Variants in GPI observed in about 807,000 individuals in gnomAD.
The protein encoded by GPI is D-hexose-6-phosphate anomerase.
A neutral mutation model predicts 75.8 loss-of-function variants in GPI; 56 were observed. The ratio of observed to expected loss-of-function variants is 0.74; its 90% CI spans 0.60 to 0.92. The LOEUF (loss-of-function observed/expected upper bound fraction) is 0.92, where lower values mean the gene tolerates loss of function less well. Among genes scored for constraint, GPI ranks in the 40% least tolerant of loss-of-function variants. The pLI is 0.00. For synonymous variants in GPI, 288 were observed against 285.4 expected (o/e 1.01, Z -0.09); for missense variants, 638 against 741.0 (o/e 0.86, Z 1.61).
At chr19:34,377,301 CAAAAAAAAAAAA>C (rs1169701523) in intron 4 of GPI, among the ~76,000 whole-genome samples, 190 bp from the exon 5 acceptor site, 22 of 15,458 alleles carry the variant, frequency 1.4e-3, no homozygotes, top group Non-Finnish European at 2.2e-3. Context: ...GGCTTCATCT[CAAAAAAAAAAAA>C]AAAAAAAAAA....
Position 34,368,569 on chromosome 19 carries a change from A to T in GPI, c.283-14A>T. 1 of 1,614,078 alleles carries T rather than the reference A, an allele frequency of 6.2e-7. No homozygotes were observed. Among genetic ancestry groups the T allele is most frequent in the Non-Finnish European group, 8.5e-7 (1 of 1,179,982 alleles). On this transcript the variant is annotated splice_polypyrimidine_tract_variant and intron_variant, in intron 3 of 17. Transcript: ENST00000356487. ...TGGGGGGGGCAGTCTTTATATCCTGACCGTAATCCCCAGGGTCGAGCCGTG... is the reference window on the plus strand; with the variant it reads ...TGGGGGGGGCAGTCTTTATATCCTGTCCGTAATCCCCAGGGTCGAGCCGTG...
At position 34,381,208 on chromosome 19, in the gene GPI, C is replaced by A. The variant is rs978520318; in HGVS notation, c.751-258C>A. ...GCCAGGTCCTCACACGGGGTTACAGCTGCCCTCAGCAGGGGGCTTTGCAGG... is the reference window on the plus strand; with the variant it reads ...GCCAGGTCCTCACACGGGGTTACAGATGCCCTCAGCAGGGGGCTTTGCAGG... On this transcript the variant is annotated intron_variant, in intron 8 of 17. Coordinates refer to ENST00000356487, the MANE Select transcript of GPI (RefSeq NM_000175.5). 8.9e-6 allele frequency: 5 copies of A among 563,108 alleles called. No homozygotes were observed. In the Admixed American group the frequency reaches 1.5e-4, roughly 16 times the overall value. The allele number at this position is 563,108 out of a possible 1,614,324, so 34.9% of individuals were successfully genotyped here. A position where few individuals can be genotyped will look rare whatever the true frequency, so the allele number is the denominator to read the frequency against.
chr19:34,366,658 G>T (rs2074369783), intron 2 of GPI, 125 bp from the exon 3 acceptor site: 2 of 791,154 alleles, frequency 2.5e-6, no homozygotes, highest in Non-Finnish European at 4.5e-6. Flanking sequence ...AGACAGCAGG[G>T]GAGGGAACCA....
chr19:34,371,361 G>A (rs1299524396), intron 4 of GPI, among the ~76,000 whole-genome samples: 1 of 152,128 alleles, frequency 6.6e-6, no homozygotes, highest in Non-Finnish European at 1.5e-5. Flanking sequence ...CATTTGTCAG[G>A]GGACTTACAA....
At chr19:34,381,406 T>C in intron 8 of GPI, 60 bp from the exon 9 acceptor site, 1 of 1,146,108 alleles carries the variant, frequency 8.7e-7, no homozygotes, top group Non-Finnish European at 1.3e-6. Context: ...GGAGCTCCTG[T>C]TCCCATCCCG....
chr19:34,397,999 A>T (rs1291298385), intron 14 of GPI: 1 of 151,384 alleles, frequency 6.6e-6, no homozygotes, highest in Non-Finnish European at 1.5e-5. Context: ...CAATCCTTTT[A>T]TCTCAGCCTC....
chr19:34,395,355 G>T (rs1294538955), intron 12 of GPI, among the ~76,000 whole-genome samples: 1 of 151,370 alleles, frequency 6.6e-6, no homozygotes, highest in African/African-American at 2.4e-5. Flanking sequence ...ACGTAGTGAG[G>T]CCCGGTCTCT....
At chr19:34,398,433 T>C (rs2074974619) in intron 14 of GPI, 1 of 152,168 alleles carries the variant, frequency 6.6e-6, no homozygotes, top group South Asian at 2.1e-4. Flanking sequence ...AACCCAAGGC[T>C]CTACTAGAAC....
chr19:34,367,306 T>A (rs1386378496), intron 3 of GPI: 2 of 317,394 alleles, frequency 6.3e-6, no homozygotes, highest in East Asian at 7.8e-5. Flanking sequence ...GGAGGTATAA[T>A]GGACACTGAG....
At chr19:34,391,495 T>C (rs1245364921) in intron 9 of GPI, among the ~76,000 whole-genome samples, 1 of 804 alleles carries the variant, frequency 1.2e-3, no homozygotes, top group Non-Finnish European at 3.5e-3. Context: ...ACTTAGGAGG[T>C]ACGATCTCTT....
chr19:34,399,999 A>G lies in GPI; in HGVS notation c.1640A>G (p.Asn547Ser), dbSNP rs370893425. ...SHDASTNGLINFIKQQREARV... is the reference protein window; with the variant it reads ...SHDASTNGLISFIKQQREARV... The stretch of plus-strand genomic sequence containing the variant: ...GACGCTTCTACCAATGGGCTCATCA[A>G]CTTCATCAAGCAGCAGCGCGAGGCC... Residue 547 changes from asparagine (N) to serine (S), a missense_variant, in exon 18 of 18, where the codon AAC (asparagine) becomes AGC (serine). Physicochemically the swap from Asn to Ser is conservative, Grantham distance 46 (BLOSUM62 1). Transcript: ENST00000356487. 2 of 1,613,678 alleles carry G rather than the reference A, an allele frequency of 1.2e-6. No individual in the cohort carries two copies. The highest frequency in any genetic ancestry group is 8.5e-7 in the Non-Finnish European group (1 of 1,180,000).
chr19:34,394,281 A>G lies in GPI; in HGVS notation c.1062+215A>G, dbSNP rs531725155. Among the ~76,000 whole-genome samples the G allele has an allele frequency of 6.0e-4, 91 of 152,252 alleles. 3 individuals are homozygous for G. In the South Asian group the frequency reaches 0.018, roughly 30 times the overall value. ...TGAGTTTGATCACCATGGGAGGGGC[A>G]TGACTGGTGATCATGGTGCCCTGGC... On this transcript the variant is annotated intron_variant, in intron 12 of 17. Coordinates refer to ENST00000356487, the MANE Select transcript of GPI (RefSeq NM_000175.5).
At chr19:34,362,064 G>A (rs911853689), upstream of GPI, among the ~76,000 whole-genome samples, 1 of 147,784 alleles carries the variant, frequency 6.8e-6, no homozygotes, top group African/African-American at 2.5e-5. Flanking sequence ...GCAGTGAGCC[G>A]AGATGGTGCC....
At chr19:34,363,484 G>T, upstream of GPI, 1 of 152,312 alleles carries the variant, frequency 6.6e-6, no homozygotes, top group Non-Finnish European at 1.5e-5. Flanking sequence ...CTTCTGTGTA[G>T]ATGAGTAACT....
rs764448093 is a variant in GPI, at chr19:34,399,550, C to T, written c.1399-6C>T. ...TCTTGGAGACATTCCTTGGTGTTTT[C>T]TGCAGGTCTTTGAAGGAAATCGCCC... On this transcript the variant is annotated splice_region_variant and splice_polypyrimidine_tract_variant and intron_variant, in intron 15 of 17. Coordinates refer to ENST00000356487, the MANE Select transcript of GPI (RefSeq NM_000175.5). The T allele has an allele frequency of 3.1e-6, 5 of 1,613,874 alleles. No individual in the cohort carries two copies. The highest frequency in any genetic ancestry group is 4.2e-6 in the Non-Finnish European group (5 of 1,179,756).
In GPI at chr19:34,393,728, GT is replaced by G; in HGVS notation, c.870del (p.Phe290LeufsTer112). 6.2e-7 allele frequency: 1 copy of G among 1,613,484 alleles called. No individual in the cohort carries two copies. Among genetic ancestry groups the G allele is most frequent in the African/African-American group, 1.3e-5 (1 of 75,006 alleles). On this transcript the variant is annotated frameshift_variant and splice_region_variant, in exon 11 of 18. Transcript: ENST00000356487. LOFTEE classifies it high-confidence loss of function. This position sits in a 1 kb window ranked among gnomAD's most constrained non-coding sequence, Gnocchi z 4.4. ...TGTTGACTCTGCTTTTGTGTCACAG[GT>G]TTTGACAACTTCGAGCAGCTGCTCT... Reference protein sequence around the residue: ...AIGLSIALHVGFDNFEQLLSG... With the variant: ...AIGLSIALHVXFDNFEQLLSG...
Position 34,365,597 on chromosome 19 carries a change from C to T in GPI, c.122+209C>T, listed in dbSNP as rs990220944. The T allele has an allele frequency of 8.4e-6, 7 of 834,756 alleles. No individual in the cohort carries two copies. The African/African-American group carries it at 1.2e-4, about 14-fold the overall frequency. 51.7% of individuals were successfully genotyped at this position (834,756 alleles called of 1,614,324 possible). A position where few individuals can be genotyped will look rare whatever the true frequency, so the allele number is the denominator to read the frequency against. On this transcript the variant is annotated intron_variant, in intron 1 of 17. Coordinates refer to ENST00000356487, the MANE Select transcript of GPI (RefSeq NM_000175.5). The stretch of plus-strand genomic sequence containing the variant: ...GGGCTTGCAGCCTCGCCGGGAGTCT[C>T]GGCCCCGGGTCTGCTTCGTTACGAG...
At chr19:34,385,799 A>G (rs2074726564) in intron 9 of GPI, among the ~76,000 whole-genome samples, 1 of 152,192 alleles carries the variant, frequency 6.6e-6, no homozygotes, top group Admixed American at 6.5e-5. Flanking sequence ...CCCAGGAGCC[A>G]GCATTGAGCA....
At chr19:34,391,107 AG>A (rs1384878850) in intron 9 of GPI, among the ~76,000 whole-genome samples, 2 of 150,566 alleles carry the variant, frequency 1.3e-5, no homozygotes, top group African/African-American at 4.9e-5. Flanking sequence ...GTTTGGACTC[AG>A]GTTTGAGGCC....
Sources: allele counts gnomAD v4.1 joint callset (sites outside exome capture counted in the v4.1 genomes callset), GRCh38; gene constraint gnomAD v4.1.1; non-coding constraint Gnocchi (gnomAD v3.1); transcripts MANE v1.5; gene names NCBI Gene and HGNC (gene_info 2026-07-23, HGNC 2026-07-21).